The following RNF217 variants were observed in gnomAD, a reference collection of about 807,000 sequenced individuals.
RNF217 encodes ring finger protein 217, also known as E3 ubiquitin-protein ligase RNF217.
In RNF217, 31 loss-of-function variants were observed where a neutral mutation model predicts 57.8. The observed-to-expected ratio is 0.54, with a 90% CI of 0.40 to 0.72. The LOEUF is 0.72. Ranked by LOEUF, RNF217 falls within the 30% of genes least tolerant of loss-of-function variation. RNF217 has a pLI of 0.00. For missense variants in RNF217, 696 were observed against 708.3 expected (o/e 0.98, Z 0.20); for synonymous variants, 313 against 294.0 (o/e 1.06, Z -0.66).
At chr6:125,048,892 G>A (rs950932079) in intron 2 of RNF217, among the ~76,000 whole-genome samples, 1 of 151,876 alleles carries the variant, frequency 6.6e-6, no homozygotes. Flanking sequence ...TCTGAACATC[G>A]TCAAACTCAT....
chr6:125,067,206 G>A (rs888335590), intron 3 of RNF217, among the ~76,000 whole-genome samples: 3 of 152,206 alleles, frequency 2.0e-5, no homozygotes, highest in Admixed American at 1.3e-4. Context: ...CTTAGCGTAA[G>A]GTTTATGCAA....
At chr6:125,009,771 A>G (rs111835374) in intron 1 of RNF217, among the ~76,000 whole-genome samples, 9 of 152,220 alleles carry the variant, frequency 5.9e-5, no homozygotes, top group African/African-American at 2.2e-4. Flanking sequence ...CTCCGTGCAC[A>G]TTCGTTGGGA....
At chr6:125,003,043 G>A (rs73770787) in intron 1 of RNF217, among the ~76,000 whole-genome samples, 2,664 of 152,186 alleles carry the variant, frequency 0.018, 75 homozygotes, top group African/African-American at 0.061. Flanking sequence ...AATAGTGGTA[G>A]CCAAAGATTA....
chr6:124,962,574 C>G lies in RNF217; in HGVS notation c.30C>G (p.Gly10=). 2 of 1,263,076 alleles carry G rather than the reference C, an allele frequency of 1.6e-6. No individual in the cohort carries two copies. The highest frequency in any genetic ancestry group is 9.9e-7 in the Non-Finnish European group (1 of 1,008,576). 78.2% of individuals were successfully genotyped at this position (1,263,076 alleles called of 1,614,324 possible). A position where few individuals can be genotyped will look rare whatever the true frequency, so the allele number is the denominator to read the frequency against. The part of the protein sequence containing the change: MGEEQSTVS[G]GGGPQESQTL... ...GCGAGGAGCAGAGCACGGTGAGCGG[C>G]GGCGGCGGGCCCCAGGAGTCGCAGA... The change falls in exon 1 of 6, where the codon GGC becomes GGG. Residue 10 remains glycine, a synonymous_variant. Coordinates refer to ENST00000521654, the MANE Select transcript of RNF217 (RefSeq NM_001286398.3). The surrounding 1 kb of genome is among the most constrained non-coding windows in gnomAD (Gnocchi z 4.6).
In RNF217 at chr6:125,090,205, C is replaced by T. The variant is rs971543238; in HGVS notation, c.*7268C>T. The T allele has an allele frequency of 6.6e-6, 1 of 151,926 alleles. No homozygotes were observed. Among genetic ancestry groups the T allele is most frequent in the Non-Finnish European group, 1.5e-5 (1 of 67,936 alleles). The allele number at this position is 151,926 out of a possible 1,614,324, so 9.4% of individuals were successfully genotyped here. A position where few individuals can be genotyped will look rare whatever the true frequency, so the allele number is the denominator to read the frequency against. On this transcript the variant is annotated 3_prime_UTR_variant, in exon 6 of 6. Transcript: ENST00000521654. ...ATATATATAAAACCATTTACCTTGA[C>T]AAGGACAATCTGTTACAGATTTTTA... is the stretch of plus-strand genomic sequence containing the variant.
intron 1 of RNF217, among the ~76,000 whole-genome samples, chr6:124,964,366 C>T (rs1036718996): frequency 1.2e-4 from 18 of 152,154 alleles, no homozygotes; most frequent in Admixed American, 5.2e-4. Flanking sequence ...TTCACAGTAT[C>T]TTATATTATC....
chr6:124,994,365 C>A (rs187892102), intron 1 of RNF217, among the ~76,000 whole-genome samples: 5 of 152,252 alleles, frequency 3.3e-5, no homozygotes, highest in African/African-American at 1.2e-4. Flanking sequence ...CAGTATGTAT[C>A]TCCCTAAAGT....
intron 1 of RNF217, among the ~76,000 whole-genome samples, chr6:124,998,240 C>T (rs1226286164): frequency 6.6e-6 from 1 of 152,112 alleles, no homozygotes; most frequent in Non-Finnish European, 1.5e-5. Flanking sequence ...CTCTATTCTC[C>T]TATCCCATGG....
chr6:124,987,393 TC>T (rs1784401664), intron 1 of RNF217, among the ~76,000 whole-genome samples: 1 of 152,146 alleles, frequency 6.6e-6, no homozygotes, highest in African/African-American at 2.4e-5. Flanking sequence ...ACCCCAGGCC[TC>T]CTATCCCCAT....
At position 125,084,226 on chromosome 6, in the gene RNF217, A is replaced by G. The variant is rs1788700831; in HGVS notation, c.*1289A>G. The G allele has an allele frequency of 6.6e-6, 1 of 151,936 alleles. No homozygotes were observed. The highest frequency in any genetic ancestry group is 2.4e-5 in the African/African-American group (1 of 41,428). The allele number at this position is 151,936 out of a possible 1,614,324, so 9.4% of individuals were successfully genotyped here. On this transcript the variant is annotated 3_prime_UTR_variant, in exon 6 of 6. Coordinates refer to ENST00000521654, the MANE Select transcript of RNF217 (RefSeq NM_001286398.3). ...ACACCTTCTTATGGAGGAGTTTGAAAACTTTTTATGTTCTTGAGTTTGTCC... is the reference window on the plus strand; with the variant it reads ...ACACCTTCTTATGGAGGAGTTTGAAGACTTTTTATGTTCTTGAGTTTGTCC...
rs1019559580 is a variant in RNF217 at position 125,090,997 on chromosome 6, A to C, written c.*8060A>C. On this transcript the variant is annotated 3_prime_UTR_variant, in exon 6 of 6. Coordinates refer to ENST00000521654, the MANE Select transcript of RNF217 (RefSeq NM_001286398.3). The stretch of plus-strand genomic sequence containing the variant: ...GCAGAAATCTCTCAAAAGAAATTGC[A>C]AAGGAAAAATTACGTTGAGATGAAA... 19 of 152,060 alleles carry C rather than the reference A, an allele frequency of 1.2e-4. No individual in the cohort carries two copies. The highest frequency in any genetic ancestry group is 4.6e-4 in the African/African-American group (19 of 41,468). 9.4% of individuals were successfully genotyped at this position (152,060 alleles called of 1,614,324 possible).
intron 3 of RNF217, among the ~76,000 whole-genome samples, chr6:125,075,587 A>G (rs148862268): frequency 4.6e-4 from 70 of 152,182 alleles, no homozygotes; most frequent in African/African-American, 1.6e-3. Context: ...CCATGATCCA[A>G]TTCCCTCCAC....
intron 2 of RNF217, among the ~76,000 whole-genome samples, chr6:125,056,145 A>ATTGTCAAATTGTCAATTTTAAGTTGTCAT (rs1562488530): frequency 6.6e-6 from 1 of 152,162 alleles, no homozygotes; most frequent in Non-Finnish European, 1.5e-5. Context: ...TAAGTTGTCA[A>ATTGTCAAATTGTCAATTTTAAGTTGTCAT]TTGTCAAAGA....
chr6:125,048,206 C>A, intron 2 of RNF217: 1 of 1,354,292 alleles, frequency 7.4e-7, no homozygotes, highest in Non-Finnish European at 9.8e-7. Flanking sequence ...GATTCATGGC[C>A]ACAGTATGGC....
intron 1 of RNF217, 73 bp downstream of exon 1, chr6:124,963,499 T>C: frequency 2.1e-6 from 3 of 1,418,294 alleles, no homozygotes; most frequent in Non-Finnish European, 2.8e-6. Flanking sequence ...CTCGATCTGA[T>C]CTCCCTGCTC....
At chr6:124,980,003 C>T (rs1433716271) in intron 1 of RNF217, among the ~76,000 whole-genome samples, 2 of 152,158 alleles carry the variant, frequency 1.3e-5, no homozygotes, top group African/African-American at 4.8e-5. Flanking sequence ...TGCAGCCTTT[C>T]TATTGAGACA....
chr6:125,059,119 A>G (rs1309646129), intron 3 of RNF217, among the ~76,000 whole-genome samples: 2 of 152,132 alleles, frequency 1.3e-5, no homozygotes, highest in Non-Finnish European at 2.9e-5. Context: ...CCAAATTCAC[A>G]TACTGGTTTA....
intron 1 of RNF217, among the ~76,000 whole-genome samples, chr6:124,969,050 A>T (rs900444112): frequency 2.0e-5 from 3 of 152,120 alleles, no homozygotes; most frequent in Non-Finnish European, 2.9e-5. Context: ...GCTTTTTTTT[A>T]AAAAAGTTAC....
At chr6:125,057,224 G>A (rs1787556603) in intron 2 of RNF217, among the ~76,000 whole-genome samples, 1 of 152,158 alleles carries the variant, frequency 6.6e-6, no homozygotes, top group Non-Finnish European at 1.5e-5. Context: ...CGCCCATGCT[G>A]GAGTGCAGTG....
Sources: allele counts gnomAD v4.1 joint callset (sites outside exome capture counted in the v4.1 genomes callset), GRCh38; gene constraint gnomAD v4.1.1; non-coding constraint Gnocchi (gnomAD v3.1); transcripts MANE v1.5; gene names NCBI Gene and HGNC (gene_info 2026-07-23, HGNC 2026-07-21).